CD4: variants seen among roughly 807,000 people sequenced by gnomAD.
CD4 encodes the protein T-cell surface glycoprotein CD4.
A neutral mutation model predicts 50.5 loss-of-function variants in CD4; 25 were observed. The observed-to-expected ratio is 0.49, with a 90% CI of 0.36 to 0.69. The LOEUF is 0.69. CD4 is among the 30% of genes least tolerant of loss of function. The pLI is 0.00. For synonymous variants in CD4, 207 were observed against 221.9 expected (o/e 0.93, Z 0.60); for missense variants, 456 against 548.5 (o/e 0.83, Z 1.68).
chr12:6,805,563 G>GAAAAA lies in CD4; in HGVS notation c.214+5101_214+5105dup, dbSNP rs59122472. ...GCAACAGAGTAAGAGTCTGTCTCCCGAAAAAAAAAAAAAGAAAAAAGAAAG... is the reference window on the plus strand; with the variant it reads ...GCAACAGAGTAAGAGTCTGTCTCCCGAAAAAAAAAAAAAAAAAAGAAAAAAGAAAG... On this transcript the variant is annotated intron_variant, in intron 3 of 9. Coordinates refer to ENST00000011653, the MANE Select transcript of CD4 (RefSeq NM_000616.5). Among the ~76,000 whole-genome samples the GAAAAA allele has an allele frequency of 2.1e-3, 297 of 140,694 alleles. 6 individuals are homozygous for GAAAAA. The East Asian group carries it at 0.029, about 14-fold the overall frequency. 92.3% of individuals were successfully genotyped at this position (140,694 alleles called of 152,430 possible).
Position 6,814,799 on chromosome 12 carries a change from C to G in CD4, c.414C>G (p.Ser138Arg), listed in dbSNP as rs1458446683. 3 of 1,613,602 alleles carry G rather than the reference C, an allele frequency of 1.9e-6. No individual in the cohort carries two copies. In the African/African-American group the frequency reaches 4.0e-5, roughly 22 times the overall value. ...ACACCCACCTGCTTCAGGGGCAGAG[C>G]CTGACCCTGACCTTGGAGAGCCCCC... ...NSDTHLLQGQ[S>R]LTLTLESPPG... The change falls in exon 5 of 10, where the codon AGC becomes AGG. Residue 138 changes from serine (S) to arginine (R), a missense_variant. By Grantham distance (110) the Ser-to-Arg change is moderately radical. Coordinates refer to ENST00000011653, the MANE Select transcript of CD4 (RefSeq NM_000616.5).
intron 5 of CD4, chr12:6,815,767 G>T: frequency 7.1e-7 from 1 of 1,414,100 alleles, no homozygotes; most frequent in African/African-American, 1.4e-5. Flanking sequence ...GAGGCCAAAT[G>T]GCTTCTGTGG....
At chr12:6,805,379 A>G (rs782786389) in intron 3 of CD4, among the ~76,000 whole-genome samples, 2 of 151,930 alleles carry the variant, frequency 1.3e-5, no homozygotes, top group African/African-American at 4.8e-5. Flanking sequence ...CCTGGCCAAC[A>G]TGGTGAAACC....
intron 1 of CD4, among the ~76,000 whole-genome samples, chr12:6,794,846 G>A (rs543331238): frequency 2.7e-5 from 4 of 145,548 alleles, no homozygotes; most frequent in East Asian, 2.0e-4. Flanking sequence ...GTGCGGTGGC[G>A]CGATCTCAGC....
At chr12:6,804,238 G>T (rs775463924) in intron 3 of CD4, among the ~76,000 whole-genome samples, 1 of 152,062 alleles carries the variant, frequency 6.6e-6, no homozygotes, top group Non-Finnish European at 1.5e-5. Flanking sequence ...ATTTAATGGT[G>T]AAAAACTGAA....
chr12:6,807,693 T>C (rs1942807593), intron 3 of CD4, among the ~76,000 whole-genome samples: 1 of 152,204 alleles, frequency 6.6e-6, no homozygotes, highest in African/African-American at 2.4e-5. Flanking sequence ...TTGCAAGTTA[T>C]TACCATCAGA....
rs981619610 is a variant in CD4, at chr12:6,816,740, C to T, written c.955+337C>T. On this transcript the variant is annotated intron_variant, in intron 6 of 9. Coordinates refer to ENST00000011653, the MANE Select transcript of CD4 (RefSeq NM_000616.5). The surrounding 1 kb of genome is among the most constrained non-coding windows in gnomAD (Gnocchi z 4.9). ...TAATAAGGATAATGAAATCTGCTCT[C>T]TGTGTGATAGTAATGATGATAATGT... Among the ~76,000 whole-genome samples, 2 of 152,204 alleles carry T rather than the reference C, an allele frequency of 1.3e-5. No individual in the cohort carries two copies. Among genetic ancestry groups the T allele is most frequent in the Admixed American group, 6.5e-5 (1 of 15,290 alleles).
At position 6,809,540 on chromosome 12, in the gene CD4, TG is replaced by T. The variant is rs1942874882; in HGVS notation, c.215-4599del. 2.0e-5 allele frequency among the ~76,000 whole-genome samples: 3 copies of T among 151,998 alleles called. No individual in the cohort carries two copies. The South Asian group carries it at 6.2e-4, about 32-fold the overall frequency. On this transcript the variant is annotated intron_variant, in intron 3 of 9. Transcript: ENST00000011653. ...AGTTTCTTCCTCTTCTTTGTTCCCATGGGAATGCCACCATCACCAGCCAAGG... is the reference window on the plus strand; with the variant it reads ...AGTTTCTTCCTCTTCTTTGTTCCCATGGAATGCCACCATCACCAGCCAAGG...
At chr12:6,811,067 G>C (rs770494005) in intron 3 of CD4, among the ~76,000 whole-genome samples, 1 of 152,004 alleles carries the variant, frequency 6.6e-6, no homozygotes. Flanking sequence ...AGAAAGGAGA[G>C]TGAGTGACTG....
chr12:6,807,502 T>A (rs1347598074), intron 3 of CD4, among the ~76,000 whole-genome samples: 2 of 152,110 alleles, frequency 1.3e-5, no homozygotes, highest in African/African-American at 4.8e-5. Flanking sequence ...TATATAACAT[T>A]CTTAAAATAA....
chr12:6,807,166 C>T (rs1942789201), intron 3 of CD4, among the ~76,000 whole-genome samples: 1 of 40,250 alleles, frequency 2.5e-5, no homozygotes, highest in Non-Finnish European at 4.1e-5. Context: ...GACTCCGTCT[C>T]AAAAAAACAA....
rs961257070 is a variant in CD4 at position 6,796,536 on chromosome 12, C to A, written c.-67-3536C>A. Among the ~76,000 whole-genome samples, 3 of 152,294 alleles carry A rather than the reference C, an allele frequency of 2.0e-5. No individual in the cohort carries two copies. The East Asian group carries it at 5.8e-4, about 29-fold the overall frequency. On this transcript the variant is annotated intron_variant, in intron 1 of 9. Coordinates refer to ENST00000011653, the MANE Select transcript of CD4 (RefSeq NM_000616.5). ...CCTGCTCCAGCCTTCCTTTGAGGTG[C>A]TATCTTGGTGCCTTTCCTATAATCA...
Position 6,800,268 on chromosome 12 carries a change from CG to C in CD4, c.50-37del, listed in dbSNP as rs782614851. 6.3e-4 allele frequency: 1,015 copies of C among 1,612,278 alleles called. 1 individual carries two copies. The highest frequency in any genetic ancestry group is 1.2e-3 in the Middle Eastern group (7 of 6,062). ...TGGAGGATGGGGTAGAGGGGGACAG[CG>C]GCGACATTGAGACCTGACTCCTTTC... On this transcript the variant is annotated intron_variant, in intron 2 of 9. Coordinates refer to ENST00000011653, the MANE Select transcript of CD4 (RefSeq NM_000616.5).
chr12:6,811,641 C>T (rs139579882), intron 3 of CD4, among the ~76,000 whole-genome samples: 13 of 147,712 alleles, frequency 8.8e-5, no homozygotes, highest in Middle Eastern at 3.7e-3. Context: ...TACAGGCATG[C>T]GTCACTATGC....
In CD4 at chr12:6,800,735, C is replaced by T. The variant is rs180998669; in HGVS notation, c.214+264C>T. 5.2e-3 allele frequency among the ~76,000 whole-genome samples: 795 copies of T among 152,032 alleles called. 9 individuals are homozygous for T. Among genetic ancestry groups the T allele is most frequent in the South Asian group, 0.034 (164 of 4,814 alleles). The stretch of plus-strand genomic sequence containing the variant: ...AGAACAATCACTATCACTTAAAACC[C>T]GTGATTTCTTGAGTATTGTTGCTAC... On this transcript the variant is annotated intron_variant, in intron 3 of 9. Coordinates refer to ENST00000011653, the MANE Select transcript of CD4 (RefSeq NM_000616.5).
chr12:6,801,720 C>A (rs1942559642), intron 3 of CD4, among the ~76,000 whole-genome samples: 2 of 150,658 alleles, frequency 1.3e-5, no homozygotes, highest in Admixed American at 6.6e-5. Context: ...GCCACCATGC[C>A]TGGCTAATTT....
chr12:6,814,571 G>A, intron 4 of CD4, 188 bp from the exon 5 acceptor site: 1 of 693,076 alleles, frequency 1.4e-6, no homozygotes, highest in South Asian at 1.6e-5. Flanking sequence ...AGGATGAGGG[G>A]AGAGGAGGAA....
intron 1 of CD4, among the ~76,000 whole-genome samples, chr12:6,794,164 C>G (rs1337206741): frequency 1.3e-5 from 2 of 151,566 alleles, no homozygotes; most frequent in Non-Finnish European, 2.9e-5. Context: ...CCTCCGCCTC[C>G]CGGGTTCAAG....
At chr12:6,815,518 T>G (rs1943062201) in intron 5 of CD4, among the ~76,000 whole-genome samples, 1 of 152,198 alleles carries the variant, frequency 6.6e-6, no homozygotes, top group African/African-American at 2.4e-5. Context: ...GCATGTACGC[T>G]GATTGAAATC....
Sources: gnomAD v4.1 joint callset for allele counts (sites outside exome capture counted in the v4.1 genomes callset) on GRCh38, gnomAD v4.1.1 for gene constraint, Gnocchi (gnomAD v3.1) non-coding constraint, MANE v1.5 for transcripts, NCBI Gene and HGNC (gene_info 2026-07-23, HGNC 2026-07-21) for gene names.